The following NEGR1 variants were observed in gnomAD, a reference collection of about 807,000 sequenced individuals.
The protein encoded by NEGR1 is neuronal growth regulator 1.
NEGR1 carries 10 observed loss-of-function variants against 40.9 expected under a neutral mutation model. The observed-to-expected ratio is 0.24, with a 90% CI of 0.15 to 0.42. The LOEUF (loss-of-function observed/expected upper bound fraction) is 0.42, where lower values mean the gene tolerates loss of function less well. Ranked by LOEUF, NEGR1 falls within the 10% of genes least tolerant of loss-of-function variation. NEGR1 has a pLI of 1.00. For missense variants in NEGR1, 352 were observed against 438.9 expected (o/e 0.80, Z 1.77); for synonymous variants, 185 against 166.8 (o/e 1.11, Z -0.84).
At chr1:71,549,919 T>C (rs1169644550) in intron 6 of NEGR1, among the ~76,000 whole-genome samples, 2 of 151,694 alleles carry the variant, frequency 1.3e-5, no homozygotes, top group Non-Finnish European at 3.0e-5. Flanking sequence ...TTGAAATCTA[T>C]TGAATGCATG....
At chr1:71,910,237 A>G (rs1661388636) in intron 2 of NEGR1, among the ~76,000 whole-genome samples, 1 of 152,222 alleles carries the variant, frequency 6.6e-6, no homozygotes, top group South Asian at 2.1e-4. Flanking sequence ...ATCTAAACTG[A>G]TAAGGGACTT....
chr1:72,025,416 C>G (rs1646798409), intron 1 of NEGR1, among the ~76,000 whole-genome samples: 1 of 152,104 alleles, frequency 6.6e-6, no homozygotes, highest in Non-Finnish European at 1.5e-5. Flanking sequence ...TACTTCAGTA[C>G]TAATCTCTTA....
At chr1:71,673,011 G>A (rs185612336) in intron 4 of NEGR1, among the ~76,000 whole-genome samples, 103 of 152,178 alleles carry the variant, frequency 6.8e-4, no homozygotes, top group Non-Finnish European at 1.1e-3. Context: ...TGAGGCGGGC[G>A]GATCATGAGG....
intron 4 of NEGR1, among the ~76,000 whole-genome samples, chr1:71,688,636 T>C (rs534036289): frequency 2.6e-4 from 40 of 151,756 alleles, no homozygotes; most frequent in African/African-American, 9.4e-4. Context: ...TTTGTATCTT[T>C]AGTAGAGACA....
At chr1:71,437,718 G>A (rs539703284) in intron 6 of NEGR1, among the ~76,000 whole-genome samples, 3 of 152,220 alleles carry the variant, frequency 2.0e-5, no homozygotes, top group South Asian at 4.1e-4. Context: ...AGAGGGAAGG[G>A]TATCATTAAT....
intron 1 of NEGR1, among the ~76,000 whole-genome samples, chr1:72,174,473 CTG>C (rs1438410909): frequency 6.6e-6 from 1 of 152,170 alleles, no homozygotes; most frequent in Admixed American, 6.5e-5. Context: ...TAAAATTCCT[CTG>C]TGTGCTGTCT....
intron 1 of NEGR1, among the ~76,000 whole-genome samples, chr1:72,130,479 G>C (rs1303876095): frequency 6.6e-6 from 1 of 152,112 alleles, no homozygotes; most frequent in Non-Finnish European, 1.5e-5. Flanking sequence ...GAAGCCCTCT[G>C]TATGATGTCA....
At chr1:72,076,114 T>C (rs1260126850) in intron 1 of NEGR1, among the ~76,000 whole-genome samples, 2 of 152,184 alleles carry the variant, frequency 1.3e-5, no homozygotes, top group Non-Finnish European at 2.9e-5. Flanking sequence ...TAGAGAAGCA[T>C]TTGTTACAAC....
intron 2 of NEGR1, among the ~76,000 whole-genome samples, chr1:71,883,357 G>A (rs186647356): frequency 1.7e-4 from 26 of 151,846 alleles, no homozygotes; most frequent in South Asian, 1.0e-3. Context: ...AACTTCCACC[G>A]TTGTTTGATA....
At chr1:71,908,596 T>C (rs1661342705) in intron 2 of NEGR1, among the ~76,000 whole-genome samples, 1 of 152,146 alleles carries the variant, frequency 6.6e-6, no homozygotes, top group Non-Finnish European at 1.5e-5. Context: ...GACAAAAACA[T>C]ACTGTAAACT....
intron 6 of NEGR1, among the ~76,000 whole-genome samples, chr1:71,417,741 AC>A (rs1262451413): frequency 6.6e-6 from 1 of 152,180 alleles, no homozygotes; most frequent in Non-Finnish European, 1.5e-5. Context: ...AGCAAATTAG[AC>A]AACTAAGTGA....
At chr1:71,615,874 G>C (rs1015846341) in intron 4 of NEGR1, among the ~76,000 whole-genome samples, 3 of 152,152 alleles carry the variant, frequency 2.0e-5, no homozygotes, top group African/African-American at 7.2e-5. Flanking sequence ...TAATCCTTAG[G>C]ATAATGAGAA....
chr1:71,697,857 A>G (rs1653536360), intron 4 of NEGR1, 151 bp downstream of exon 4: 2 of 669,006 alleles, frequency 3.0e-6, no homozygotes, highest in Admixed American at 6.0e-5. Flanking sequence ...AATTTAACCA[A>G]CATTTCAACA....
In NEGR1 at chr1:71,884,888, A is replaced by AT. The variant is rs1660682814; in HGVS notation, c.409+50190dup. Among the ~76,000 whole-genome samples the AT allele has an allele frequency of 2.6e-5, 4 of 151,994 alleles. No homozygotes were observed. The South Asian group carries it at 8.3e-4, about 32-fold the overall frequency. Reference sequence around the variant, plus strand: ...TTCTTGTAAACACCTTTCTCTATATATTTTTTCTAGGTGTATGAAATAATC... The same window carrying AT: ...TTCTTGTAAACACCTTTCTCTATATATTTTTTTCTAGGTGTATGAAATAATC... On this transcript the variant is annotated intron_variant, in intron 2 of 6. Coordinates refer to ENST00000357731, the MANE Select transcript of NEGR1 (RefSeq NM_173808.3).
At chr1:71,686,406 A>T (rs1460182154) in intron 4 of NEGR1, among the ~76,000 whole-genome samples, 1 of 152,152 alleles carries the variant, frequency 6.6e-6, no homozygotes, top group African/African-American at 2.4e-5. Flanking sequence ...GCACAGAATC[A>T]TTCAGGGGCT....
At chr1:71,898,372 T>TTGGGAGGC (rs1189060457) in intron 2 of NEGR1, among the ~76,000 whole-genome samples, 1 of 152,136 alleles carries the variant, frequency 6.6e-6, no homozygotes, top group African/African-American at 2.4e-5. Context: ...TCCCAGCACT[T>TTGGGAGGC]TGGGAGGCTG....
At chr1:71,876,690 T>G (rs1033917399) in intron 2 of NEGR1, among the ~76,000 whole-genome samples, 2 of 152,032 alleles carry the variant, frequency 1.3e-5, no homozygotes, top group African/African-American at 4.8e-5. Flanking sequence ...ATTCTTTCAG[T>G]TGGAGAGGAA....
At chr1:71,552,856 A>C (rs1255943845) in intron 6 of NEGR1, among the ~76,000 whole-genome samples, 1 of 151,460 alleles carries the variant, frequency 6.6e-6, no homozygotes, top group Non-Finnish European at 1.5e-5. Context: ...TATTCTCAGG[A>C]GTATTCAGCA....
chr1:71,427,960 A>T (rs746939827), intron 6 of NEGR1, among the ~76,000 whole-genome samples: 1 of 150,792 alleles, frequency 6.6e-6, no homozygotes, highest in Admixed American at 6.7e-5. Flanking sequence ...GGAGCTATGC[A>T]CCTGCACATA....
Sources: gnomAD v4.1 joint callset for allele counts (sites outside exome capture counted in the v4.1 genomes callset) on GRCh38, gnomAD v4.1.1 for gene constraint, MANE v1.5 for transcripts, NCBI Gene and HGNC (gene_info 2026-07-23, HGNC 2026-07-21) for gene names.